The following RALGAPA1 variants were observed in gnomAD, a reference collection of about 807,000 sequenced individuals.
The protein encoded by RALGAPA1 is Ral GTPase activating protein catalytic subunit alpha 1.
Under a neutral mutation model 269.6 loss-of-function variants are expected in RALGAPA1, and 52 were observed. The ratio of observed to expected loss-of-function variants is 0.19; its 90% CI spans 0.15 to 0.24. The LOEUF (loss-of-function observed/expected upper bound fraction) is 0.24, where lower values mean the gene tolerates loss of function less well. Ranked by LOEUF, RALGAPA1 falls within the 10% of genes least tolerant of loss-of-function variation. The pLI, the probability that RALGAPA1 is intolerant of heterozygous loss-of-function variation, is 1.00. For synonymous variants in RALGAPA1, 817 were observed against 1,008.3 expected, an observed-to-expected ratio of 0.81 and a Z score of 3.60; for missense variants, 1,917 against 3,013.9, an observed-to-expected ratio of 0.64 and a Z score of 8.52.
chr14:35,738,873 A>C (rs561573524), intron 11 of RALGAPA1, among the ~76,000 whole-genome samples: 23 of 152,292 alleles, frequency 1.5e-4, no homozygotes, highest in African/African-American at 5.5e-4. Context: ...CAAAACCCAT[A>C]ATGAGCAGCC....
At chr14:35,672,499 TAAAC>T (rs60048909) in intron 25 of RALGAPA1, among the ~76,000 whole-genome samples, 2,663 of 152,208 alleles carry the variant, frequency 0.017, 82 homozygotes, top group East Asian at 0.12. Flanking sequence ...CATAACTAGA[TAAAC>T]GAATCCATAT....
intron 41 of RALGAPA1, among the ~76,000 whole-genome samples, chr14:35,545,137 T>C (rs1343244733): frequency 1.3e-5 from 2 of 152,210 alleles, no homozygotes; most frequent in Admixed American, 6.5e-5. Context: ...ATTTAAGATA[T>C]TTATAAAATA....
In RALGAPA1 at chr14:35,627,779, T is replaced by C. The variant is rs1445898130; in HGVS notation, c.6168A>G (p.Glu2056=). The change falls in exon 34 of 42, where the codon GAA becomes GAG. Residue 2056 remains glutamate, a synonymous_variant. Coordinates refer to ENST00000680220, the MANE Select transcript of RALGAPA1 (RefSeq NM_001346249.2). The part of the protein sequence containing the change: ...HYSESTELSP[E]LFESPNIQFF... ...ACTGGATATTTGGACTCTCAAAGAG[T>C]TCAGGAGAAAGTTCAGTACTTTCAC... 2 of 1,610,066 alleles carry C rather than the reference T, an allele frequency of 1.2e-6. No homozygotes were observed. Among genetic ancestry groups the C allele is most frequent in the South Asian group, 2.2e-5 (2 of 90,372 alleles).
chr14:35,572,132 T>C (rs571823657), intron 38 of RALGAPA1, among the ~76,000 whole-genome samples: 15 of 152,276 alleles, frequency 9.9e-5, no homozygotes, highest in African/African-American at 3.6e-4. Flanking sequence ...TTTCAATTTG[T>C]AGAATCCTCA....
In RALGAPA1 at chr14:35,583,623, G is replaced by C. The variant is rs77529075; in HGVS notation, c.7210-10905C>G. On this transcript the variant is annotated intron_variant, in intron 37 of 41. Transcript: ENST00000680220. Reference sequence around the variant, plus strand: ...AGGAAGCTCAGTGAACACCACGCAGGGTAAATGTCAAAAAACTACACCTAG... The same window carrying C: ...AGGAAGCTCAGTGAACACCACGCAGCGTAAATGTCAAAAAACTACACCTAG... Among the ~76,000 whole-genome samples, 760 of 152,038 alleles carry C rather than the reference G, an allele frequency of 5.0e-3. 8 individuals are homozygous for C. The highest frequency in any genetic ancestry group is 0.017 in the African/African-American group (709 of 41,494).
intron 10 of RALGAPA1, among the ~76,000 whole-genome samples, chr14:35,745,688 C>T (rs868030592): frequency 1.4e-5 from 2 of 143,006 alleles, no homozygotes; most frequent in Non-Finnish European, 1.5e-5. Flanking sequence ...TACTTGAACC[C>T]GGGAGGCAGA....
At chr14:35,701,688 C>A (rs938426994) in intron 16 of RALGAPA1, among the ~76,000 whole-genome samples, 3 of 151,926 alleles carry the variant, frequency 2.0e-5, no homozygotes, top group Non-Finnish European at 2.9e-5. Flanking sequence ...GTTGTCCAGG[C>A]GGGAGTACAG....
At chr14:35,545,540 T>C (rs779631013) in intron 41 of RALGAPA1, among the ~76,000 whole-genome samples, 1 of 152,076 alleles carries the variant, frequency 6.6e-6, no homozygotes, top group East Asian at 1.9e-4. Context: ...TATGTATGTA[T>C]AGATATATGT....
chr14:35,757,005 T>C, intron 6 of RALGAPA1, 97 bp from the exon 7 acceptor site: 1 of 1,078,310 alleles, frequency 9.3e-7, no homozygotes. Flanking sequence ...GAGTATGCAA[T>C]GAAAATTGCT....
chr14:35,748,376 CTCTT>C (rs2072334018), intron 10 of RALGAPA1: 3 of 310,416 alleles, frequency 9.7e-6, no homozygotes, highest in Non-Finnish European at 1.6e-5. Context: ...CTCTCTCTCG[CTCTT>C]TTTTTTTTTT....
intron 35 of RALGAPA1, among the ~76,000 whole-genome samples, chr14:35,608,036 CGACT>C (rs1268751615): frequency 6.6e-6 from 1 of 152,098 alleles, no homozygotes; most frequent in Non-Finnish European, 1.5e-5. Context: ...AACTCAGGGT[CGACT>C]CCTGGGAAGC....
intron 31 of RALGAPA1, among the ~76,000 whole-genome samples, chr14:35,643,076 G>A (rs576540095): frequency 7.2e-5 from 11 of 151,858 alleles, no homozygotes; most frequent in East Asian, 1.9e-4. Context: ...GCAAACTGTC[G>A]CAAGGACAGA....
At chr14:35,560,076 A>G (rs1317219515) in intron 39 of RALGAPA1, among the ~76,000 whole-genome samples, 1 of 152,258 alleles carries the variant, frequency 6.6e-6, no homozygotes, top group African/African-American at 2.4e-5. Flanking sequence ...ATAACGATCA[A>G]TAAACATTTT....
chr14:35,715,529 T>A (rs547131217), intron 16 of RALGAPA1, among the ~76,000 whole-genome samples: 1 of 152,318 alleles, frequency 6.6e-6, no homozygotes, highest in African/African-American at 2.4e-5. Context: ...AATCTAAATT[T>A]TCTCTCTCTT....
intron 37 of RALGAPA1, among the ~76,000 whole-genome samples, chr14:35,584,682 T>G (rs2058167224): frequency 6.6e-6 from 1 of 151,858 alleles, no homozygotes; most frequent in African/African-American, 2.4e-5. Flanking sequence ...AATTGATATG[T>G]TAAGAAAGGA....
At chr14:35,681,133 C>G (rs1035115101) in intron 21 of RALGAPA1, among the ~76,000 whole-genome samples, 3 of 152,132 alleles carry the variant, frequency 2.0e-5, no homozygotes, top group African/African-American at 7.2e-5. Context: ...ACTAACATCC[C>G]TTTCATAAAG....
chr14:35,735,137 A>T (rs1406639593), intron 12 of RALGAPA1, among the ~76,000 whole-genome samples: 1 of 152,158 alleles, frequency 6.6e-6, no homozygotes, highest in African/African-American at 2.4e-5. Flanking sequence ...TACAGCCACT[A>T]TGGAAAATGG....
At chr14:35,568,178 C>T (rs2056866310) in intron 39 of RALGAPA1, among the ~76,000 whole-genome samples, 1 of 151,988 alleles carries the variant, frequency 6.6e-6, no homozygotes, top group Admixed American at 6.6e-5. Context: ...GTTGAGTATC[C>T]CTAAGCTGAA....
At chr14:35,606,764 A>C (rs1238158555) in intron 35 of RALGAPA1, among the ~76,000 whole-genome samples, 2 of 151,868 alleles carry the variant, frequency 1.3e-5, no homozygotes, top group East Asian at 3.9e-4. Flanking sequence ...ATTAAAAAAA[A>C]AAAAAACCCT....
Sources: gnomAD v4.1 joint callset for allele counts (sites outside exome capture counted in the v4.1 genomes callset) on GRCh38, gnomAD v4.1.1 for gene constraint, MANE v1.5 for transcripts, NCBI Gene and HGNC (gene_info 2026-07-23, HGNC 2026-07-21) for gene names.